Variants in NCOA1 observed in about 807,000 individuals in gnomAD.
The protein encoded by NCOA1 is nuclear receptor coactivator 1, also known as Hin-2 protein.
NCOA1 carries 35 observed loss-of-function variants against 150.9 expected under a neutral mutation model. The observed-to-expected ratio is 0.23, with a 90% CI of 0.18 to 0.31. NCOA1 has a LOEUF of 0.31. Ranked by LOEUF, NCOA1 falls within the 10% of genes least tolerant of loss-of-function variation. The pLI, the probability that NCOA1 is intolerant of heterozygous loss-of-function variation, is 1.00. For missense variants in NCOA1, 1,491 were observed against 1,749.3 expected, an observed-to-expected ratio of 0.85 and a Z score of 2.63; for synonymous variants, 590 against 630.0, an observed-to-expected ratio of 0.94 and a Z score of 0.95.
intron 3 of NCOA1, among the ~76,000 whole-genome samples, chr2:24,621,163 T>A (rs905517272): frequency 1.3e-5 from 2 of 152,018 alleles, no homozygotes; most frequent in African/African-American, 4.8e-5. Context: ...GGGGAGGAGT[T>A]CCCTTATTCA....
chr2:24,575,087 T>C (rs1217098275), intron 2 of NCOA1, among the ~76,000 whole-genome samples: 1 of 152,168 alleles, frequency 6.6e-6, no homozygotes, highest in Non-Finnish European at 1.5e-5. Flanking sequence ...TTTTATCTTT[T>C]TTTTTCCTCT....
intron 4 of NCOA1, among the ~76,000 whole-genome samples, chr2:24,650,786 G>C (rs1202720060): frequency 6.6e-6 from 1 of 152,126 alleles, no homozygotes; most frequent in Non-Finnish European, 1.5e-5. Flanking sequence ...CAGCTATTAG[G>C]ATAGCTGTTA....
intron 1 of NCOA1, among the ~76,000 whole-genome samples, chr2:24,528,529 G>A (rs1037689320): frequency 2.6e-5 from 4 of 151,362 alleles, no homozygotes; most frequent in Non-Finnish European, 4.4e-5. Context: ...GTATTTTTTT[G>A]TAGAGATGGG....
intron 13 of NCOA1, among the ~76,000 whole-genome samples, 164 bp downstream of exon 13, chr2:24,708,052 G>A (rs1385633906): frequency 6.6e-6 from 1 of 152,140 alleles, no homozygotes; most frequent in Non-Finnish European, 1.5e-5. Flanking sequence ...GATGCCCTCA[G>A]AAGTTTTCTT....
At position 24,525,795 on chromosome 2, in the gene NCOA1, G is replaced by A. The variant is rs183989020; in HGVS notation, c.-396+34193G>A. 7.0e-3 allele frequency among the ~76,000 whole-genome samples: 1,063 copies of A among 152,134 alleles called. 12 individuals are homozygous for A. The highest frequency in any genetic ancestry group is 0.024 in the African/African-American group (999 of 41,522). On this transcript the variant is annotated intron_variant, in intron 1 of 22. Coordinates refer to ENST00000348332, the MANE Select transcript of NCOA1 (RefSeq NM_003743.5). ...ACTCCTGGCCTCAAGTGATCTGCCC[G>A]CCACAGCCTCCCAAAGTGCTGGGAT...
At chr2:24,502,855 A>G (rs1247699110) in intron 1 of NCOA1, among the ~76,000 whole-genome samples, 1 of 152,220 alleles carries the variant, frequency 6.6e-6, no homozygotes, top group African/African-American at 2.4e-5. Context: ...CATAAAATTT[A>G]AAAGTAATCA....
At chr2:24,659,180 G>A (rs1671073845) in intron 5 of NCOA1, 1 of 175,128 alleles carries the variant, frequency 5.7e-6, no homozygotes, top group African/African-American at 2.4e-5. Flanking sequence ...ACTTGGTAAA[G>A]GACCTTGTTT....
chr2:24,699,749 C>T (rs897265260), intron 11 of NCOA1, among the ~76,000 whole-genome samples: 2 of 152,068 alleles, frequency 1.3e-5, no homozygotes, highest in Non-Finnish European at 2.9e-5. Context: ...GAAATGTGGT[C>T]AATGAAACAC....
At position 24,710,951 on chromosome 2, in the gene NCOA1, G is replaced by C; in HGVS notation, c.2439G>C (p.Gln813His). 4 of 1,614,058 alleles carry C rather than the reference G, an allele frequency of 2.5e-6. No individual in the cohort carries two copies. The highest frequency in any genetic ancestry group is 3.3e-5 in the Admixed American group (2 of 59,984). ...AQSQFTADLDQFDQLLPTLEK... is the reference protein window; with the variant it reads ...AQSQFTADLDHFDQLLPTLEK... ...CTTAGTTTACAGCTGACCTTGACCA[G>C]TTTGATCAGTTACTGCCCACGCTGG... The change falls in exon 14 of 23, where the codon CAG becomes CAC. Residue 813 changes from glutamine to histidine, a missense_variant. Coordinates refer to ENST00000348332, the MANE Select transcript of NCOA1 (RefSeq NM_003743.5).
At chr2:24,515,194 T>C (rs1406920559) in intron 1 of NCOA1, among the ~76,000 whole-genome samples, 3 of 152,206 alleles carry the variant, frequency 2.0e-5, no homozygotes, top group Non-Finnish European at 4.4e-5. Context: ...GAACAACTTA[T>C]TTTGGGGTCA....
intron 1 of NCOA1, among the ~76,000 whole-genome samples, chr2:24,559,427 T>G (rs1666208429): frequency 6.6e-6 from 1 of 152,224 alleles, no homozygotes; most frequent in African/African-American, 2.4e-5. Context: ...TCCAACAGTC[T>G]TTGCACATCT....
intron 1 of NCOA1, among the ~76,000 whole-genome samples, chr2:24,521,231 G>A (rs915691231): frequency 3.3e-5 from 5 of 151,906 alleles, no homozygotes; most frequent in South Asian, 2.1e-4. Flanking sequence ...TCAGCATATC[G>A]GTCACCTCAC....
At chr2:24,564,652 A>T (rs1297258931) in intron 2 of NCOA1, 1 of 152,188 alleles carries the variant, frequency 6.6e-6, no homozygotes, top group East Asian at 1.9e-4. Context: ...TCAGTATTCC[A>T]ATGTGGTCTC....
At chr2:24,512,129 G>T (rs927701571) in intron 1 of NCOA1, among the ~76,000 whole-genome samples, 1 of 152,294 alleles carries the variant, frequency 6.6e-6, no homozygotes, top group South Asian at 2.1e-4. Flanking sequence ...TGATTATGCA[G>T]TTGAATCTCT....
At chr2:24,608,707 T>G (rs1668486637) in intron 3 of NCOA1, among the ~76,000 whole-genome samples, 1 of 44,118 alleles carries the variant, frequency 2.3e-5, no homozygotes, top group East Asian at 2.5e-3. Context: ...TTGTTGTGTT[T>G]TTTTTTTTTT....
intron 17 of NCOA1, among the ~76,000 whole-genome samples, chr2:24,732,952 GA>G (rs1000651685): frequency 2.0e-5 from 3 of 151,948 alleles, no homozygotes; most frequent in African/African-American, 4.8e-5. Flanking sequence ...TAAAAAGGGG[GA>G]AAAAATACTT....
At chr2:24,631,690 T>C (rs931110401) in intron 3 of NCOA1, among the ~76,000 whole-genome samples, 3 of 152,180 alleles carry the variant, frequency 2.0e-5, no homozygotes, top group Admixed American at 1.3e-4. Context: ...TAATGGAAGA[T>C]GGATTTTTTT....
Position 24,701,668 on chromosome 2 carries a change from ATCTC to A in NCOA1, c.950-3414_950-3411del, listed in dbSNP as rs1673168765. On this transcript the variant is annotated intron_variant, in intron 11 of 22. Transcript: ENST00000348332. ...AAATGACTTGACTTGTTCTTTGTTC[ATCTC>A]TCTATTAACTTTATATTAAAATAAA... is the stretch of plus-strand genomic sequence containing the variant. Among the ~76,000 whole-genome samples the A allele has an allele frequency of 2.0e-5, 3 of 152,214 alleles. No homozygotes were observed. The South Asian group carries it at 6.2e-4, about 32-fold the overall frequency.
chr2:24,701,798 C>G (rs548545619), intron 11 of NCOA1, among the ~76,000 whole-genome samples: 8 of 152,284 alleles, frequency 5.3e-5, no homozygotes, highest in African/African-American at 1.9e-4. Flanking sequence ...ATCGCTTGAG[C>G]ACAGGAATTT....
Sources: gnomAD v4.1 joint callset for allele counts (sites outside exome capture counted in the v4.1 genomes callset) on GRCh38, gnomAD v4.1.1 for gene constraint, MANE v1.5 for transcripts, NCBI Gene and HGNC (gene_info 2026-07-23, HGNC 2026-07-21) for gene names.